The following COL24A1 variants were observed in gnomAD, a reference collection of about 807,000 sequenced individuals.
The protein encoded by COL24A1 is collagen alpha-1(XXIV) chain.
COL24A1 carries 224 observed loss-of-function variants against 253.9 expected under a neutral mutation model. The ratio of observed to expected loss-of-function variants is 0.88; its 90% CI spans 0.79 to 0.99. COL24A1 has a LOEUF of 0.99. COL24A1 is among the 50% of genes least tolerant of loss of function. The pLI, the probability that COL24A1 is intolerant of heterozygous loss-of-function variation, is 0.00. For missense variants in COL24A1, 2,131 were observed against 2,068.5 expected (o/e 1.03, Z -0.59); for synonymous variants, 685 against 673.7 (o/e 1.02, Z -0.26).
intron 2 of COL24A1, among the ~76,000 whole-genome samples, chr1:86,133,079 A>G (rs1343095848): frequency 6.6e-6 from 1 of 152,062 alleles, no homozygotes. Flanking sequence ...CATCCCTTGT[A>G]AGCTGGATTC....
intron 1 of COL24A1, among the ~76,000 whole-genome samples, chr1:86,147,090 G>A (rs1651986938): frequency 6.6e-6 from 1 of 152,104 alleles, no homozygotes; most frequent in Non-Finnish European, 1.5e-5. Context: ...TTTGTAAAAT[G>A]CAGTTCCGCA....
At chr1:85,853,681 A>G (rs1346174807) in intron 37 of COL24A1, among the ~76,000 whole-genome samples, 1 of 152,164 alleles carries the variant, frequency 6.6e-6, no homozygotes, top group Non-Finnish European at 1.5e-5. Flanking sequence ...ATGAGATGGT[A>G]TCTCATTGTG....
chr1:85,954,962 C>T (rs1236019530), intron 24 of COL24A1, among the ~76,000 whole-genome samples: 2 of 152,146 alleles, frequency 1.3e-5, no homozygotes, highest in Non-Finnish European at 2.9e-5. Context: ...AGGTAGGTCC[C>T]ACTAAAACTA....
chr1:85,907,530 T>C (rs1395832950), intron 27 of COL24A1, among the ~76,000 whole-genome samples: 6 of 151,970 alleles, frequency 3.9e-5, no homozygotes, highest in African/African-American at 9.6e-5. Context: ...GGAACACATA[T>C]GGAGTGATGG....
chr1:86,020,154 G>T (rs1697386046), intron 18 of COL24A1, among the ~76,000 whole-genome samples: 1 of 129,968 alleles, frequency 7.7e-6, no homozygotes, highest in East Asian at 2.3e-4. Flanking sequence ...TGCAACCTCT[G>T]CCTTCTGGAT....
chr1:85,915,807 C>T (rs1685842632), intron 24 of COL24A1, among the ~76,000 whole-genome samples: 1 of 152,076 alleles, frequency 6.6e-6, no homozygotes, highest in Non-Finnish European at 1.5e-5. Context: ...GAGCACCGTG[C>T]CCGGCTAATT....
At chr1:85,799,432 G>T (rs892202085) in intron 47 of COL24A1, among the ~76,000 whole-genome samples, 1 of 146,646 alleles carries the variant, frequency 6.8e-6, no homozygotes. Context: ...CCTTATCCTC[G>T]GTTGAAAATA....
At chr1:86,149,256 G>T (rs1652389102) in intron 1 of COL24A1, among the ~76,000 whole-genome samples, 1 of 152,154 alleles carries the variant, frequency 6.6e-6, no homozygotes, top group Admixed American at 6.5e-5. Context: ...CAGAGATTCT[G>T]ATTTTAATGT....
chr1:85,989,485 G>A (rs1694032754), intron 19 of COL24A1, among the ~76,000 whole-genome samples: 1 of 151,986 alleles, frequency 6.6e-6, no homozygotes, highest in African/African-American at 2.4e-5. Flanking sequence ...CCTAGGGCAA[G>A]TCACTTTCTC....
intron 19 of COL24A1, among the ~76,000 whole-genome samples, chr1:86,016,631 T>A (rs1013749023): frequency 6.6e-6 from 1 of 152,176 alleles, no homozygotes; most frequent in Non-Finnish European, 1.5e-5. Context: ...AATCCAAATG[T>A]TTTATCTCAG....
At chr1:85,998,929 C>T (rs1393025893) in intron 19 of COL24A1, among the ~76,000 whole-genome samples, 1 of 152,156 alleles carries the variant, frequency 6.6e-6, no homozygotes, top group African/African-American at 2.4e-5. Context: ...GAGTAATAAA[C>T]TATCTTTTGT....
At chr1:86,072,464 T>G (rs923756645) in intron 7 of COL24A1, among the ~76,000 whole-genome samples, 2 of 152,148 alleles carry the variant, frequency 1.3e-5, no homozygotes, top group Non-Finnish European at 2.9e-5. Context: ...GCGCAGGGCA[T>G]CTCTGAAAGA....
At chr1:85,826,076 T>C (rs913649318) in intron 43 of COL24A1, among the ~76,000 whole-genome samples, 5 of 139,220 alleles carry the variant, frequency 3.6e-5, no homozygotes, top group Non-Finnish European at 7.9e-5. Context: ...TTTAAGTCTT[T>C]AATCCATCTT....
chr1:85,923,155 C>T (rs1384730623), intron 24 of COL24A1, among the ~76,000 whole-genome samples: 2 of 152,152 alleles, frequency 1.3e-5, no homozygotes, highest in African/African-American at 4.8e-5. Context: ...TACAAGAGCA[C>T]CCAGATTCAT....
At chr1:86,103,737 C>A (rs1704679066) in intron 5 of COL24A1, among the ~76,000 whole-genome samples, 1 of 152,206 alleles carries the variant, frequency 6.6e-6, no homozygotes, top group Non-Finnish European at 1.5e-5. Context: ...TGTATGGTTT[C>A]TGCTGAAAGG....
intron 27 of COL24A1, 28 bp from the exon 28 acceptor site, chr1:85,907,275 G>A (rs1240805409): frequency 6.3e-7 from 1 of 1,581,972 alleles, no homozygotes; most frequent in Non-Finnish European, 8.7e-7. Flanking sequence ...AAAGTCAGTT[G>A]TAGAATTTAC....
intron 2 of COL24A1, among the ~76,000 whole-genome samples, chr1:86,132,931 A>C (rs9661637): frequency 0.96 from 146,160 of 151,924 alleles, 70,475 homozygotes; most frequent in Non-Finnish European, 1. Context: ...ATGGGGATGG[A>C]ATTGAATCTG....
intron 45 of COL24A1, 148 bp from the exon 46 acceptor site, chr1:85,818,235 G>C (rs1271050593): frequency 5.1e-6 from 3 of 584,942 alleles, no homozygotes; most frequent in Non-Finnish European, 6.0e-6. Context: ...ATTTTCCTGG[G>C]AGTCAGCTTC....
intron 24 of COL24A1, among the ~76,000 whole-genome samples, chr1:85,925,283 A>T (rs1212955119): frequency 7.2e-5 from 11 of 152,226 alleles, no homozygotes; most frequent in Non-Finnish European, 1.6e-4. Flanking sequence ...ATCCCCATGA[A>T]GCTACCAATG....
Sources: allele counts gnomAD v4.1 joint callset (sites outside exome capture counted in the v4.1 genomes callset), GRCh38; gene constraint gnomAD v4.1.1; transcripts MANE v1.5; gene names NCBI Gene and HGNC (gene_info 2026-07-23, HGNC 2026-07-21).